PELI3: variants seen among roughly 807,000 people sequenced by gnomAD.
The protein encoded by PELI3 is pellino E3 ubiquitin protein ligase family member 3, also known as E3 ubiquitin-protein ligase pellino homolog 3.
In PELI3, 19 loss-of-function variants were observed where a neutral mutation model predicts 35.5. That is an observed-to-expected ratio of 0.54 (90% CI 0.37 to 0.79). The LOEUF is 0.79. PELI3 is among the 30% of genes least tolerant of loss of function. The probability of loss-of-function intolerance (pLI) is 0.00; values close to 1 mark genes in which losing one functional copy is unlikely to be tolerated. For missense variants in PELI3, 490 were observed against 661.2 expected (o/e 0.74, Z 2.84); for synonymous variants, 262 against 279.2 (o/e 0.94, Z 0.62).
rs1406677450 is a variant in PELI3, at chr11:66,476,039, C to T, written c.1282C>T (p.Arg428Cys). Residue 428 changes from arginine (R) to cysteine (C), a missense_variant, in exon 8 of 8, where the codon CGC becomes TGC. Around this residue, in one of 3 missense-constraint regions of PELI3, gnomAD observed 349 missense variants for 484.8 expected, o/e 0.72. Transcript: ENST00000320740. ...CCACGTCTGCTCTGAGAAGACTGCCCGCTACTGGGCCCAGACACCACTGCC... is the reference window on the plus strand; with the variant it reads ...CCACGTCTGCTCTGAGAAGACTGCCTGCTACTGGGCCCAGACACCACTGCC... ...CGHVCSEKTA[R>C]YWAQTPLPHG... is the part of the protein sequence containing the mutation. The T allele has an allele frequency of 4.3e-6, 7 of 1,611,356 alleles. No homozygotes were observed. Among genetic ancestry groups the T allele is most frequent in the South Asian group, 2.2e-5 (2 of 90,956 alleles).
chr11:66,469,060 T>A (rs1854629761), intron 3 of PELI3, among the ~76,000 whole-genome samples, 156 bp downstream of exon 3: 1 of 152,196 alleles, frequency 6.6e-6, no homozygotes, highest in African/African-American at 2.4e-5. Context: ...ACCTCATCCC[T>A]TCCTGGTCTT....
Position 66,467,562 on chromosome 11 carries a change from A to T in PELI3, c.-2+535A>T. On this transcript the variant is annotated intron_variant, in intron 1 of 7. Coordinates refer to ENST00000320740, the MANE Select transcript of PELI3 (RefSeq NM_145065.3). The surrounding 1 kb of genome is among the most constrained non-coding windows in gnomAD (Gnocchi z 4.2). Reference sequence around the variant, plus strand: ...GATGGGGAGACTGAGGCAGATGGTGAGGCGGAGGCGGGCAGACAGGCAGAG... The same window carrying T: ...GATGGGGAGACTGAGGCAGATGGTGTGGCGGAGGCGGGCAGACAGGCAGAG... The T allele has an allele frequency of 6.5e-6, 1 of 153,148 alleles. No individual in the cohort carries two copies. The highest frequency in any genetic ancestry group is 2.0e-4 in the South Asian group (1 of 4,914). The allele number at this position is 153,148 out of a possible 1,614,324, so 9.5% of individuals were successfully genotyped here. A position where few individuals can be genotyped will look rare whatever the true frequency, so the allele number is the denominator to read the frequency against.
At chr11:66,468,933 A>G (rs1854624587) in intron 3 of PELI3, 29 bp downstream of exon 3, 1 of 730,510 alleles carries the variant, frequency 1.4e-6, no homozygotes, top group East Asian at 2.6e-5. Context: ...ATTTGGACCC[A>G]GGTCTTTCTT....
In PELI3 at chr11:66,473,476, GGC is replaced by G; in HGVS notation, c.651+42_651+43del. On this transcript the variant is annotated intron_variant, in intron 6 of 7. Transcript: ENST00000320740. This position sits in a 1 kb window ranked among gnomAD's most constrained non-coding sequence, Gnocchi z 5.8. ...GAAGGGACCAACTCTTCATCTGTGA[GGC>G]AAGGGGTAGGCTTGGGAGGTGCAGC... The G allele has an allele frequency of 6.4e-7, 1 of 1,571,978 alleles. No individual in the cohort carries two copies. The highest frequency in any genetic ancestry group is 1.7e-5 in the Admixed American group (1 of 57,144).
chr11:66,472,271 A>G, intron 4 of PELI3, 98 bp from the exon 5 acceptor site: 1 of 841,836 alleles, frequency 1.2e-6, no homozygotes, highest in Non-Finnish European at 2.0e-6. Flanking sequence ...CCCCCTTCCC[A>G]GGGAGTGGCT....
Position 66,473,499 on chromosome 11 carries a change from G to A in PELI3, c.651+64G>A, listed in dbSNP as rs1210415529. ...GAGGCAAGGGGTAGGCTTGGGAGGT[G>A]CAGCATCTTGAGGTGATGAACCAGC... On this transcript the variant is annotated intron_variant, in intron 6 of 7. Transcript: ENST00000320740. The surrounding 1 kb of genome is among the most constrained non-coding windows in gnomAD (Gnocchi z 5.8). 1.3e-6 allele frequency: 2 copies of A among 1,511,786 alleles called. No homozygotes were observed. Among genetic ancestry groups the A allele is most frequent in the East Asian group, 2.3e-5 (1 of 43,158 alleles). 93.6% of individuals were successfully genotyped at this position (1,511,786 alleles called of 1,614,324 possible). A position where few individuals can be genotyped will look rare whatever the true frequency, so the allele number is the denominator to read the frequency against.
chr11:66,475,629 GCT>G lies in PELI3; in HGVS notation c.878_879del (p.Leu293HisfsTer119), dbSNP rs1354127931. ...AACGAGTCCAACGTGCTGCAGGACG[GCT>G]CTCTCATCGACCTGTGTGGGGCCAC... is the stretch of plus-strand genomic sequence containing the variant. On this transcript the variant is annotated frameshift_variant, in exon 8 of 8. Transcript: ENST00000320740. LOFTEE classifies it high-confidence loss of function. 6.2e-7 allele frequency: 1 copy of G among 1,612,556 alleles called. No individual in the cohort carries two copies. Among genetic ancestry groups the G allele is most frequent in the Non-Finnish European group, 8.5e-7 (1 of 1,179,880 alleles).
Position 66,472,419 on chromosome 11 carries a change from C to T in PELI3, c.405C>T (p.Ser135=). 1 of 1,614,136 alleles carries T rather than the reference C, an allele frequency of 6.2e-7. No individual in the cohort carries two copies. Among genetic ancestry groups the T allele is most frequent in the Non-Finnish European group, 8.5e-7 (1 of 1,180,028 alleles). The stretch of plus-strand genomic sequence containing the variant: ...GCATCTCGTATACACTGTCCCGGAG[C>T]CACTCGGTCATAGTGGAGTATACAC... ...QHSISYTLSR[S]HSVIVEYTHD... Residue 135 remains serine, a synonymous_variant, in exon 5 of 8, where the codon AGC becomes AGT. Coordinates refer to ENST00000320740, the MANE Select transcript of PELI3 (RefSeq NM_145065.3).
In PELI3 at chr11:66,476,248, T is replaced by C; in HGVS notation, c.*81T>C. On this transcript the variant is annotated 3_prime_UTR_variant, in exon 8 of 8. Coordinates refer to ENST00000320740, the MANE Select transcript of PELI3 (RefSeq NM_145065.3). The stretch of plus-strand genomic sequence containing the variant: ...TGCAGCCCAGAGGGAGCTCTGCATG[T>C]GGGACACTCCCTGCTGGCACAGCCA... The C allele has an allele frequency of 1.5e-6, 2 of 1,376,086 alleles. No individual in the cohort carries two copies. The highest frequency in any genetic ancestry group is 2.7e-5 in the South Asian group (2 of 73,912). 85.2% of individuals were successfully genotyped at this position (1,376,086 alleles called of 1,614,324 possible).
chr11:66,468,380 C>A, intron 2 of PELI3, 100 bp downstream of exon 2: 1 of 1,184,696 alleles, frequency 8.4e-7, no homozygotes, highest in Non-Finnish European at 1.1e-6. Context: ...GGGCCTTCAG[C>A]TGTTTGTCCC....
Position 66,473,350 on chromosome 11 carries a change from G to T in PELI3, c.566G>T (p.Cys189Phe). Reference protein sequence around the residue: ...SAQSTISRYACRILCDRRPPY... With the variant: ...SAQSTISRYAFRILCDRRPPY... ...CAGAGCACCATCTCCCGCTATGCCTGCCGCATCCTCTGTGACCGCCGGCCA... is the reference window on the plus strand; with the variant it reads ...CAGAGCACCATCTCCCGCTATGCCTTCCGCATCCTCTGTGACCGCCGGCCA... Residue 189 changes from cysteine to phenylalanine, a missense_variant, in exon 6 of 8, where the codon TGC becomes TTC. This residue lies in a region of PELI3 where 349 missense variants were observed against 484.8 expected (regional missense o/e 0.72). Transcript: ENST00000320740. This position sits in a 1 kb window ranked among gnomAD's most constrained non-coding sequence, Gnocchi z 5.8. The T allele has an allele frequency of 1.2e-6, 2 of 1,613,538 alleles. No homozygotes were observed. The highest frequency in any genetic ancestry group is 1.7e-6 in the Non-Finnish European group (2 of 1,180,000).
chr11:66,472,265 C>T (rs973201565), intron 4 of PELI3, 104 bp from the exon 5 acceptor site: 1 of 802,372 alleles, frequency 1.2e-6, no homozygotes, highest in African/African-American at 1.7e-5. Context: ...GAGCTGCCCC[C>T]TTCCCAGGGA....
chr11:66,472,955 T>A (rs1590720175), intron 5 of PELI3, among the ~76,000 whole-genome samples: 1 of 152,230 alleles, frequency 6.6e-6, no homozygotes, highest in South Asian at 2.1e-4. Flanking sequence ...CACCCTCTTA[T>A]AATTATATCA....
intron 7 of PELI3, chr11:66,474,599 CTG>C (rs1282367680): frequency 1.9e-5 from 3 of 155,046 alleles, no homozygotes; most frequent in African/African-American, 4.8e-5. Flanking sequence ...AGCGTCAACT[CTG>C]TGGGGAGGTC....
intron 7 of PELI3, 50 bp from the exon 8 acceptor site, chr11:66,475,548 G>C (rs747608891): frequency 2.5e-6 from 4 of 1,589,122 alleles, no homozygotes; most frequent in Non-Finnish European, 3.4e-6. Context: ...TGGACCCGCG[G>C]CTCAGCAGGG....
rs1366569069 is a variant in PELI3 at position 66,476,183 on chromosome 11, C to A, written c.*16C>A. On this transcript the variant is annotated 3_prime_UTR_variant, in exon 8 of 8. Transcript: ENST00000320740. ...GCTGGATTAGGCTCCCTGGGGCCCC[C>A]TGCTGCTGTGCCCACCTGCCCACCC... is the stretch of plus-strand genomic sequence containing the variant. 2.6e-6 allele frequency: 4 copies of A among 1,530,382 alleles called. No homozygotes were observed. In the East Asian group the frequency reaches 9.7e-5, roughly 37 times the overall value. The allele number at this position is 1,530,382 out of a possible 1,614,324, so 94.8% of individuals were successfully genotyped here. A position where few individuals can be genotyped will look rare whatever the true frequency, so the allele number is the denominator to read the frequency against.
At position 66,475,641 on chromosome 11, in the gene PELI3, A is replaced by G. The variant is rs1485475635; in HGVS notation, c.884A>G (p.Asp295Gly). 6.2e-7 allele frequency: 1 copy of G among 1,612,530 alleles called. No homozygotes were observed. Among genetic ancestry groups the G allele is most frequent in the Admixed American group, 1.7e-5 (1 of 59,900 alleles). Residue 295 changes from aspartate (D) to glycine (G), a missense_variant, in exon 8 of 8, where the codon GAC becomes GGC. Physicochemically the swap from Asp to Gly is moderately conservative, Grantham distance 94. This residue lies in a region of PELI3 where 349 missense variants were observed against 484.8 expected (regional missense o/e 0.72). Transcript: ENST00000320740. The part of the protein sequence containing the change: ...SNVLQDGSLI[D>G]LCGATLLWRT... ...GTGCTGCAGGACGGCTCTCTCATCG[A>G]CCTGTGTGGGGCCACACTGCTGTGG...
intron 3 of PELI3, among the ~76,000 whole-genome samples, chr11:66,470,957 G>A (rs1483904130): frequency 1.3e-5 from 2 of 152,078 alleles, no homozygotes; most frequent in South Asian, 2.1e-4. Context: ...CACCTCTACC[G>A]CCCCAGTGCA....
chr11:66,470,549 G>A (rs751218696), intron 3 of PELI3, among the ~76,000 whole-genome samples: 22 of 152,222 alleles, frequency 1.4e-4, no homozygotes, highest in Non-Finnish European at 2.6e-4. Flanking sequence ...CAGGAACACA[G>A]AGGCAGCAGC....
Sources: allele counts gnomAD v4.1 joint callset (sites outside exome capture counted in the v4.1 genomes callset), GRCh38; gene constraint gnomAD v4.1.1; regional missense constraint gnomAD v4.1.1; non-coding constraint Gnocchi (gnomAD v3.1); transcripts MANE v1.5; gene names NCBI Gene and HGNC (gene_info 2026-07-23, HGNC 2026-07-21).